SIRT5: variants seen among roughly 807,000 people sequenced by gnomAD.
SIRT5 encodes the protein NAD-dependent protein deacylase sirtuin-5, mitochondrial.
Under a neutral mutation model 40.0 loss-of-function variants are expected in SIRT5, and 26 were observed. That is an observed-to-expected ratio of 0.65 (90% CI 0.48 to 0.90). SIRT5 has a LOEUF of 0.90. Ranked by LOEUF, SIRT5 falls within the 40% of genes least tolerant of loss-of-function variation. The pLI, the probability that SIRT5 is intolerant of heterozygous loss-of-function variation, is 0.00. For synonymous variants in SIRT5, 146 were observed against 149.1 expected (o/e 0.98, Z 0.15); for missense variants, 401 against 402.4 (o/e 1.00, Z 0.03).
chr6:13,584,287 C>T (rs1200252208), intron 3 of SIRT5, 62 bp downstream of exon 3: 1 of 1,180,246 alleles, frequency 8.5e-7, no homozygotes, highest in East Asian at 2.3e-5. Context: ...AAGTCCTACA[C>T]TTCGAGAGGA....
At chr6:13,580,199 A>C (rs181492560) in intron 2 of SIRT5, among the ~76,000 whole-genome samples, 42 of 152,316 alleles carry the variant, frequency 2.8e-4, no homozygotes, top group Middle Eastern at 3.4e-3. Context: ...ACACTACACC[A>C]TGTTTCTCTA....
chr6:13,575,291 G>A (rs1454959693), intron 1 of SIRT5, among the ~76,000 whole-genome samples: 1 of 152,122 alleles, frequency 6.6e-6, no homozygotes. Flanking sequence ...GGTGGCGCCC[G>A]GAAGCCCGGG....
At chr6:13,583,386 CG>C (rs1346815950) in intron 2 of SIRT5, among the ~76,000 whole-genome samples, 3 of 150,228 alleles carry the variant, frequency 2.0e-5, no homozygotes, top group Admixed American at 6.6e-5. Context: ...CCTCTGCCTC[CG>C]GGGTTCAAGT....
chr6:13,597,615 G>C (rs1761755683), intron 7 of SIRT5, among the ~76,000 whole-genome samples: 1 of 151,620 alleles, frequency 6.6e-6, no homozygotes, highest in Non-Finnish European at 1.5e-5. Flanking sequence ...GTACGATCTT[G>C]GCTCACTGCA....
At chr6:13,591,948 G>C in intron 5 of SIRT5, 54 bp downstream of exon 5, 2 of 1,515,474 alleles carry the variant, frequency 1.3e-6, no homozygotes, top group East Asian at 2.3e-5. Flanking sequence ...CACCTGTCCT[G>C]CTGTTTCAGC....
rs1367015517 is a variant in SIRT5, at chr6:13,614,781, T to C, written c.*2916T>C. ...AGGCCGAGGGCGCCGGGCACGTCTG[T>C]GCAGATTTCTTTAGAGTCCAGGTCT... On this transcript the variant is annotated 3_prime_UTR_variant, in exon 10 of 10. Coordinates refer to ENST00000606117, the MANE Select transcript of SIRT5 (RefSeq NM_012241.5). 6.6e-6 allele frequency: 1 copy of C among 152,358 alleles called. No homozygotes were observed. The highest frequency in any genetic ancestry group is 1.5e-5 in the Non-Finnish European group (1 of 68,088). The allele number at this position is 152,358 out of a possible 1,614,324, so 9.4% of individuals were successfully genotyped here.
intron 9 of SIRT5, chr6:13,604,750 T>C (rs1762879027): frequency 7.8e-7 from 1 of 1,282,828 alleles, no homozygotes; most frequent in Non-Finnish European, 9.8e-7. Flanking sequence ...ATGTAATATA[T>C]ATCACTGCTC....
rs539054401 is a variant in SIRT5 at position 13,613,152 on chromosome 6, G to C, written c.*1287G>C. ...TTATAAAAAGCATGCAGTTTACATA[G>C]CACTTTCACTCAGCACCCTCCCCTC... On this transcript the variant is annotated 3_prime_UTR_variant, in exon 10 of 10. Transcript: ENST00000606117. The C allele has an allele frequency of 2.0e-5, 3 of 152,346 alleles. No homozygotes were observed. Among genetic ancestry groups the C allele is most frequent in the African/African-American group, 7.2e-5 (3 of 41,544 alleles). 9.4% of individuals were successfully genotyped at this position (152,346 alleles called of 1,614,324 possible).
At chr6:13,575,703 A>G (rs1758536980) in intron 1 of SIRT5, among the ~76,000 whole-genome samples, 1 of 152,180 alleles carries the variant, frequency 6.6e-6, no homozygotes, top group African/African-American at 2.4e-5. Context: ...GAAATATACA[A>G]TACATCATCA....
chr6:13,612,114 G>C lies in SIRT5; in HGVS notation c.*249G>C, dbSNP rs1050452648. On this transcript the variant is annotated 3_prime_UTR_variant, in exon 10 of 10. Transcript: ENST00000606117. ...TTGAACTGAAACGTGAGGTATCTTT[G>C]ATGTGTATGGTTGGTTATTGGGAGG... 13 of 335,166 alleles carry C rather than the reference G, an allele frequency of 3.9e-5. No homozygotes were observed. Among genetic ancestry groups the C allele is most frequent in the Admixed American group, 3.1e-4 (7 of 22,350 alleles). 20.8% of individuals were successfully genotyped at this position (335,166 alleles called of 1,614,324 possible).
At chr6:13,576,147 T>C (rs1758605719) in intron 1 of SIRT5, among the ~76,000 whole-genome samples, 1 of 152,236 alleles carries the variant, frequency 6.6e-6, no homozygotes, top group African/African-American at 2.4e-5. Flanking sequence ...ACATACTGAT[T>C]TCAATTCCTT....
chr6:13,598,951 G>A (rs1176211576), intron 7 of SIRT5, 81 bp from the exon 8 acceptor site: 4 of 1,559,290 alleles, frequency 2.6e-6, no homozygotes, highest in South Asian at 1.2e-5. Flanking sequence ...GATGTACTAG[G>A]TTTGGGGCAG....
chr6:13,606,456 G>C (rs913259431), intron 9 of SIRT5, among the ~76,000 whole-genome samples: 1 of 152,150 alleles, frequency 6.6e-6, no homozygotes, highest in Admixed American at 6.5e-5. Flanking sequence ...AGAGGTCACT[G>C]CTTTGAAGCG....
chr6:13,585,677 A>T (rs1294826197), intron 3 of SIRT5, among the ~76,000 whole-genome samples: 2 of 152,190 alleles, frequency 1.3e-5, no homozygotes, highest in Non-Finnish European at 2.9e-5. Flanking sequence ...AGTCTTTGCT[A>T]CTGTGAATAG....
At chr6:13,601,085 T>A (rs1323331235) in intron 9 of SIRT5, 136 bp downstream of exon 9, 26 of 615,738 alleles carry the variant, frequency 4.2e-5, no homozygotes. Context: ...CTGCAGTTGC[T>A]TTTATGGAAG....
chr6:13,614,182 G>C lies in SIRT5; in HGVS notation c.*2317G>C. 6.6e-6 allele frequency: 1 copy of C among 152,158 alleles called. No homozygotes were observed. Among genetic ancestry groups the C allele is most frequent in the Middle Eastern group, 3.2e-3 (1 of 316 alleles). 9.4% of individuals were successfully genotyped at this position (152,158 alleles called of 1,614,324 possible). ...AGAAATAAAATGACTAGCAAGACCT[G>C]GCCCTTCCCCTCAGGGGTTCACAGA... On this transcript the variant is annotated 3_prime_UTR_variant, in exon 10 of 10. Coordinates refer to ENST00000606117, the MANE Select transcript of SIRT5 (RefSeq NM_012241.5).
chr6:13,599,851 G>A (rs533915264), intron 8 of SIRT5, among the ~76,000 whole-genome samples: 7 of 152,328 alleles, frequency 4.6e-5, no homozygotes, highest in South Asian at 4.1e-4. Flanking sequence ...AGATGTACAC[G>A]TATTAATTAA....
At position 13,614,042 on chromosome 6, in the gene SIRT5, T is replaced by A. The variant is rs1166677697; in HGVS notation, c.*2177T>A. On this transcript the variant is annotated 3_prime_UTR_variant, in exon 10 of 10. Transcript: ENST00000606117. ...CCTATTTGGTTTTGTCGTTTTTAAA[T>A]TGAGAATTGCTTCTAAAACAGAAGA... is the stretch of plus-strand genomic sequence containing the variant. 1.3e-5 allele frequency: 2 copies of A among 152,166 alleles called. No homozygotes were observed. The highest frequency in any genetic ancestry group is 4.8e-5 in the African/African-American group (2 of 41,438). 9.4% of individuals were successfully genotyped at this position (152,166 alleles called of 1,614,324 possible).
intron 9 of SIRT5, among the ~76,000 whole-genome samples, chr6:13,606,941 C>G (rs372082324): frequency 6.6e-6 from 1 of 151,504 alleles, no homozygotes; most frequent in Non-Finnish European, 1.5e-5. Context: ...CTTAGCCTCC[C>G]GAAGTGCTGG....
Sources: allele counts gnomAD v4.1 joint callset (sites outside exome capture counted in the v4.1 genomes callset), GRCh38; gene constraint gnomAD v4.1.1; transcripts MANE v1.5; gene names NCBI Gene and HGNC (gene_info 2026-07-23, HGNC 2026-07-21).